Variants in GPS1 observed in about 807,000 individuals in gnomAD.
GPS1 encodes the protein COP9 signalosome complex subunit 1.
In GPS1, 11 loss-of-function variants were observed where a neutral mutation model predicts 60.0. The observed-to-expected ratio is 0.18, with a 90% CI of 0.12 to 0.30. The LOEUF is 0.30. Ranked by LOEUF, GPS1 falls within the 10% of genes least tolerant of loss-of-function variation. GPS1 has a pLI of 1.00. For synonymous variants in GPS1, 343 were observed against 269.8 expected (o/e 1.27, Z -2.66); for missense variants, 543 against 669.2 (o/e 0.81, Z 2.08).
At chr17:82,052,031 G>A (rs1285125225) in intron 1 of GPS1, 67 bp downstream of exon 1, 8 of 1,092,700 alleles carry the variant, frequency 7.3e-6, no homozygotes, top group Non-Finnish European at 9.0e-6. Context: ...CCGGGCTGAG[G>A]TCGAGCAGGG....
At chr17:82,052,301 G>A (rs1318326501) in intron 1 of GPS1, 4 of 1,612,884 alleles carry the variant, frequency 2.5e-6, no homozygotes, top group South Asian at 2.2e-5. Context: ...AGAAAGTCAG[G>A]ACAGAATGAG....
chr17:82,053,410 G>T (rs368808786), intron 2 of GPS1, 44 bp downstream of exon 2: 32 of 1,372,718 alleles, frequency 2.3e-5, no homozygotes, highest in Middle Eastern at 3.8e-4. Context: ...CAGTCCTGCT[G>T]AGGGGTCCAG....
chr17:82,052,899 TCTC>T (rs1306959529), intron 1 of GPS1: 1 of 243,386 alleles, frequency 4.1e-6, no homozygotes, highest in East Asian at 9.3e-5. Flanking sequence ...GTCCCGTTCT[TCTC>T]CGTGGCTTGG....
Position 82,054,892 on chromosome 17 carries a change from C to T in GPS1, c.610-6C>T, listed in dbSNP as rs202153481. The T allele has an allele frequency of 3.4e-5, 54 of 1,577,642 alleles. No homozygotes were observed. The highest frequency in any genetic ancestry group is 1.7e-4 in the Middle Eastern group (1 of 5,914). On this transcript the variant is annotated splice_region_variant and splice_polypyrimidine_tract_variant and intron_variant, in intron 4 of 12. Coordinates refer to ENST00000578552, the MANE Select transcript of GPS1 (RefSeq NM_001321092.3). ...GGGCTCACTTGGCTCTGCGCCCCCC[C>T]GCCAGGTCAGCGTCTACTTGCAGAA...
Position 82,056,651 on chromosome 17 carries a change from C to T in GPS1, c.1139C>T (p.Ala380Val). The change falls in exon 11 of 13, where the codon GCC (alanine) becomes GTC (valine). Residue 380 changes from alanine (A) to valine (V), a missense_variant. Ala to Val is a moderately conservative substitution (Grantham distance 64). This residue lies in a region of GPS1 where 291 missense variants were observed against 353.7 expected (regional missense o/e 0.82). Coordinates refer to ENST00000578552, the MANE Select transcript of GPS1 (RefSeq NM_001321092.3). ...LIQYFSPYVS[A>V]DMHRMAAAFN... ...CAGTATTTCAGCCCCTACGTGTCAGCCGACATGCATAGGATGGCGGCAGCC... is the reference window on the plus strand; with the variant it reads ...CAGTATTTCAGCCCCTACGTGTCAGTCGACATGCATAGGATGGCGGCAGCC... 6.2e-7 allele frequency: 1 copy of T among 1,607,924 alleles called. No homozygotes were observed. Among genetic ancestry groups the T allele is most frequent in the Non-Finnish European group, 8.5e-7 (1 of 1,177,056 alleles).
chr17:82,052,428 C>G, intron 1 of GPS1: 1 of 1,611,652 alleles, frequency 6.2e-7, no homozygotes, highest in Non-Finnish European at 8.5e-7. Flanking sequence ...AGCCTGAGCG[C>G]CAGCCTGTCG....
Position 82,051,985 on chromosome 17 carries a change from C to T in GPS1, c.33+21C>T. On this transcript the variant is annotated intron_variant, in intron 1 of 12. Coordinates refer to ENST00000578552, the MANE Select transcript of GPS1 (RefSeq NM_001321092.3). The surrounding 1 kb of genome is among the most constrained non-coding windows in gnomAD (Gnocchi z 4.1). ...TGCAGGTAACGAGCCGAGGCCGCCC[C>T]GGGCCTCCGCGCCCCCGCGCCCCCC... is the stretch of plus-strand genomic sequence containing the variant. 4.3e-6 allele frequency: 5 copies of T among 1,153,824 alleles called. No homozygotes were observed. Among genetic ancestry groups the T allele is most frequent in the Non-Finnish European group, 2.1e-6 (2 of 937,056 alleles). The allele number at this position is 1,153,824 out of a possible 1,614,324, so 71.5% of individuals were successfully genotyped here.
chr17:82,054,441 T>C lies in GPS1; in HGVS notation c.309-69T>C, dbSNP rs1275638740. On this transcript the variant is annotated intron_variant, in intron 3 of 12. Transcript: ENST00000578552. ...TGGGCCTTTGAGGGCAGCCTGAGATTGGCGGCTTCCTCCCCTCCTCCCTGG... is the reference window on the plus strand; with the variant it reads ...TGGGCCTTTGAGGGCAGCCTGAGATCGGCGGCTTCCTCCCCTCCTCCCTGG... 5 of 1,436,986 alleles carry C rather than the reference T, an allele frequency of 3.5e-6. No individual in the cohort carries two copies. The Admixed American group carries it at 8.4e-5, about 24-fold the overall frequency. 89.0% of individuals were successfully genotyped at this position (1,436,986 alleles called of 1,614,324 possible). A position where few individuals can be genotyped will look rare whatever the true frequency, so the allele number is the denominator to read the frequency against.
rs777733533 is a variant in GPS1, at chr17:82,054,699, C to A, written c.498C>A (p.Asp166Glu). Residue 166 changes from aspartate (D) to glutamate (E), a missense_variant, in exon 4 of 13, where the codon GAC becomes GAA. Physicochemically the swap from Asp to Glu is conservative, Grantham distance 45. Around this residue, in one of 3 missense-constraint regions of GPS1, gnomAD observed 71 missense variants for 126.7 expected, o/e 0.56. Transcript: ENST00000578552. ...SIRRGHDDLG[D>E]HYLDCGDLSN... ...GGCGCGGCCACGACGACCTGGGCGA[C>A]CACTACCTGGACTGTGGGGACCTCA... 1 of 1,612,104 alleles carries A rather than the reference C, an allele frequency of 6.2e-7. No homozygotes were observed. Among genetic ancestry groups the A allele is most frequent in the African/African-American group, 1.3e-5 (1 of 74,930 alleles).
At chr17:82,056,792 G>T (rs754147002) in intron 11 of GPS1, 26 bp downstream of exon 11, 14 of 1,605,674 alleles carry the variant, frequency 8.7e-6, no homozygotes, top group Non-Finnish European at 1.2e-5. Flanking sequence ...GGGGCGGTGG[G>T]GGCAGCTGGG....
chr17:82,051,544 G>A (rs2030587618), upstream of GPS1: 4 of 1,400,816 alleles, frequency 2.9e-6, no homozygotes, highest in Non-Finnish European at 3.7e-6. This position sits in a 1 kb window ranked among gnomAD's most constrained non-coding sequence, Gnocchi z 4.1. Context: ...AGCAGCCGCA[G>A]GCGCGGCCCG....
chr17:82,056,642 A>G lies in GPS1; in HGVS notation c.1130A>G (p.Tyr377Cys). 6.2e-7 allele frequency: 1 copy of G among 1,609,898 alleles called. No homozygotes were observed. The highest frequency in any genetic ancestry group is 8.5e-7 in the Non-Finnish European group (1 of 1,178,170). Residue 377 changes from tyrosine to cysteine, a missense_variant, in exon 11 of 13, where the codon TAC (tyrosine) becomes TGC (cysteine). Physicochemically the swap from Tyr to Cys is radical, Grantham distance 194 (BLOSUM62 -2). This residue lies in a region of GPS1 where 291 missense variants were observed against 353.7 expected (regional missense o/e 0.82). Coordinates refer to ENST00000578552, the MANE Select transcript of GPS1 (RefSeq NM_001321092.3). Reference protein sequence around the residue: ...NRALIQYFSPYVSADMHRMAA... With the variant: ...NRALIQYFSPCVSADMHRMAA... ...TCTGCCCTGCAGTATTTCAGCCCCTACGTGTCAGCCGACATGCATAGGATG... is the reference window on the plus strand; with the variant it reads ...TCTGCCCTGCAGTATTTCAGCCCCTGCGTGTCAGCCGACATGCATAGGATG...
intron 2 of GPS1, 115 bp downstream of exon 2, chr17:82,053,481 C>T (rs531134919): frequency 6.5e-6 from 5 of 767,522 alleles, no homozygotes; most frequent in East Asian, 3.3e-5. Flanking sequence ...TGATCGCTGT[C>T]GTCTTTTTCT....
chr17:82,052,084 C>G (rs1423129964), intron 1 of GPS1, 120 bp downstream of exon 1: 2 of 843,774 alleles, frequency 2.4e-6, no homozygotes, highest in African/African-American at 1.8e-5. Flanking sequence ...CGCTCCGTGC[C>G]GGGCCTCCGC....
upstream of GPS1, chr17:82,051,089 A>T (rs968000673): frequency 1.1e-5 from 15 of 1,367,134 alleles, no homozygotes; most frequent in African/African-American, 2.1e-4. This position sits in a 1 kb window ranked among gnomAD's most constrained non-coding sequence, Gnocchi z 4.1. Flanking sequence ...GGAAGCGGCT[A>T]GTGTGAGAGG....
chr17:82,051,473 C>A, upstream of GPS1: 1 of 1,347,940 alleles, frequency 7.4e-7, no homozygotes, highest in South Asian at 1.9e-5. This position sits in a 1 kb window ranked among gnomAD's most constrained non-coding sequence, Gnocchi z 4.1. Flanking sequence ...GCGTGGGGCT[C>A]GCCGTCGGGG....
chr17:82,054,770 G>T lies in GPS1; in HGVS notation c.569G>T (p.Ser190Ile). 6.2e-7 allele frequency: 1 copy of T among 1,608,818 alleles called. No homozygotes were observed. Among genetic ancestry groups the T allele is most frequent in the Non-Finnish European group, 8.5e-7 (1 of 1,177,574 alleles). The change falls in exon 4 of 13, where the codon AGC becomes ATC. Residue 190 changes from serine to isoleucine, a missense_variant. This residue lies in a region of GPS1 where 71 missense variants were observed against 126.7 expected (regional missense o/e 0.56). Transcript: ENST00000578552. Reference sequence around the variant, plus strand: ...TCCCGGGCCCGGGACTACTGCACCAGCGCCAAACACGTCATCAACATGTGC... The same window carrying T: ...TCCCGGGCCCGGGACTACTGCACCATCGCCAAACACGTCATCAACATGTGC... ...CYSRARDYCT[S>I]AKHVINMCLN...
Position 82,057,359 on chromosome 17 carries a change from C to T in GPS1, c.*232C>T, listed in dbSNP as rs961084048. ...CCTGTGGGTTTCTGTCCCCAGGGAGCAGACTGTGCGGCACCCAGGCCCAGT... is the reference window on the plus strand; with the variant it reads ...CCTGTGGGTTTCTGTCCCCAGGGAGTAGACTGTGCGGCACCCAGGCCCAGT... On this transcript the variant is annotated 3_prime_UTR_variant, in exon 13 of 13. Transcript: ENST00000578552. The T allele has an allele frequency of 2.8e-6, 2 of 702,122 alleles. No individual in the cohort carries two copies. The highest frequency in any genetic ancestry group is 1.5e-5 in the South Asian group (1 of 66,894). 43.5% of individuals were successfully genotyped at this position (702,122 alleles called of 1,614,324 possible).
chr17:82,054,147 T>C (rs755024674), intron 3 of GPS1, 98 bp downstream of exon 3: 41 of 1,353,062 alleles, frequency 3.0e-5, no homozygotes, highest in Non-Finnish European at 3.8e-5. Context: ...CTCCCACCCC[T>C]GTGCTGGGAA....
Sources: allele counts gnomAD v4.1 joint callset, GRCh38; gene constraint gnomAD v4.1.1; regional missense constraint gnomAD v4.1.1; non-coding constraint Gnocchi (gnomAD v3.1); transcripts MANE v1.5; gene names NCBI Gene and HGNC (gene_info 2026-07-23, HGNC 2026-07-21).